Variants in CCDC148 observed in about 807,000 individuals in gnomAD.
CCDC148 encodes the protein coiled-coil domain containing 148.
CCDC148 carries 89 observed loss-of-function variants against 85.7 expected under a neutral mutation model. That is an observed-to-expected ratio of 1.04 (90% CI 0.87 to 1.24). CCDC148 has a LOEUF of 1.24. Ranked by LOEUF, CCDC148 falls within the 50% of genes most tolerant of loss-of-function variation. The pLI, the probability that CCDC148 is intolerant of heterozygous loss-of-function variation, is 0.00. For synonymous variants in CCDC148, 230 were observed against 213.9 expected, an observed-to-expected ratio of 1.08 and a Z score of -0.66; for missense variants, 692 against 671.7, an observed-to-expected ratio of 1.03 and a Z score of -0.33.
chr2:158,393,478 G>T (rs958401203), intron 1 of CCDC148, among the ~76,000 whole-genome samples: 1 of 152,092 alleles, frequency 6.6e-6, no homozygotes, highest in African/African-American at 2.4e-5. Context: ...ATAGGGAAAG[G>T]GAAGGCCTTA....
At position 158,358,526 on chromosome 2, in the gene CCDC148, A is replaced by G. The variant is rs755960081; in HGVS notation, c.70T>C (p.Tyr24His). Reference protein sequence around the residue: ...HMKNEMRNIKYKPVDYQQLRA... With the variant: ...HMKNEMRNIKHKPVDYQQLRA... ...AATTGTTGATAGTCTACTGGTTTGTACTTGATGTTTCTCATCTCATTTTTC... is the reference window on the plus strand; with the variant it reads ...AATTGTTGATAGTCTACTGGTTTGTGCTTGATGTTTCTCATCTCATTTTTC... The change falls in exon 2 of 14, where the codon TAC becomes CAC. Residue 24 changes from tyrosine (Y) to histidine (H), a missense_variant. Coordinates refer to ENST00000283233, the MANE Select transcript of CCDC148 (RefSeq NM_138803.4). 5.0e-6 allele frequency: 8 copies of G among 1,601,214 alleles called. No individual in the cohort carries two copies. Among genetic ancestry groups the G allele is most frequent in the Non-Finnish European group, 6.8e-6 (8 of 1,175,346 alleles).
intron 2 of CCDC148, among the ~76,000 whole-genome samples, chr2:158,357,942 A>T (rs766494379): frequency 6.6e-5 from 10 of 152,198 alleles, no homozygotes; most frequent in African/African-American, 2.4e-4. Context: ...CCTAAACTAC[A>T]CATGGTCCTA....
At chr2:158,192,492 A>G (rs1408834625) in intron 11 of CCDC148, among the ~76,000 whole-genome samples, 2 of 151,708 alleles carry the variant, frequency 1.3e-5, no homozygotes, top group Non-Finnish European at 2.9e-5. Context: ...ACAGATAGCT[A>G]ACTTTTATGA....
intron 1 of CCDC148, among the ~76,000 whole-genome samples, chr2:158,403,367 C>T (rs916957947): frequency 3.9e-5 from 6 of 152,000 alleles, no homozygotes; most frequent in Non-Finnish European, 7.4e-5. Context: ...TACACAGACA[C>T]ACACATATTC....
At chr2:158,267,271 T>C (rs1247644139) in intron 9 of CCDC148, among the ~76,000 whole-genome samples, 4 of 152,148 alleles carry the variant, frequency 2.6e-5, no homozygotes, top group Non-Finnish European at 5.9e-5. Flanking sequence ...TGGAATGCCC[T>C]GCCACACCTA....
chr2:158,281,488 A>C (rs2105175893), intron 9 of CCDC148, among the ~76,000 whole-genome samples: 1 of 152,286 alleles, frequency 6.6e-6, no homozygotes, highest in Admixed American at 6.5e-5. Flanking sequence ...ATCAGAGAGT[A>C]GTACAAACAC....
chr2:158,401,381 T>C (rs547159616), intron 1 of CCDC148, among the ~76,000 whole-genome samples: 1 of 152,148 alleles, frequency 6.6e-6, no homozygotes, highest in South Asian at 2.1e-4. Context: ...TAAAAAAGGA[T>C]GAGTTCATGT....
intron 9 of CCDC148, among the ~76,000 whole-genome samples, chr2:158,258,169 A>AT (rs1244418373): frequency 1.3e-5 from 2 of 151,850 alleles, no homozygotes; most frequent in African/African-American, 4.8e-5. Context: ...ATGTCAATGT[A>AT]TTAATGCTGT....
chr2:158,265,285 A>G (rs1261573981), intron 9 of CCDC148, among the ~76,000 whole-genome samples: 1 of 152,150 alleles, frequency 6.6e-6, no homozygotes, highest in East Asian at 1.9e-4. Context: ...AAAAGATGCT[A>G]TCTGTCATAA....
intron 1 of CCDC148, among the ~76,000 whole-genome samples, chr2:158,366,956 G>T (rs1311963249): frequency 6.6e-6 from 1 of 152,130 alleles, no homozygotes; most frequent in Admixed American, 6.6e-5. Context: ...AGATAGTTAA[G>T]GTCCATGACT....
At chr2:158,330,379 G>C (rs1258204955) in intron 7 of CCDC148, among the ~76,000 whole-genome samples, 1 of 152,180 alleles carries the variant, frequency 6.6e-6, no homozygotes, top group African/African-American at 2.4e-5. Flanking sequence ...TGGTGGATAA[G>C]CTTTTTGATG....
At chr2:158,409,016 G>C (rs1237583378) in intron 1 of CCDC148, among the ~76,000 whole-genome samples, 3 of 151,772 alleles carry the variant, frequency 2.0e-5, no homozygotes, top group Non-Finnish European at 4.4e-5. Context: ...TTTTTTCATA[G>C]GATTATTTGT....
At chr2:158,337,337 G>C (rs1173919996) in intron 7 of CCDC148, among the ~76,000 whole-genome samples, 1 of 152,072 alleles carries the variant, frequency 6.6e-6, no homozygotes, top group Non-Finnish European at 1.5e-5. Flanking sequence ...CACAGCTACA[G>C]TTTATCAGGC....
At chr2:158,280,834 G>C (rs1690249557) in intron 9 of CCDC148, among the ~76,000 whole-genome samples, 1 of 152,034 alleles carries the variant, frequency 6.6e-6, no homozygotes, top group South Asian at 2.1e-4. Flanking sequence ...ATTTTTTTCA[G>C]CACCACACCA....
chr2:158,324,120 G>A (rs953529746), intron 7 of CCDC148, among the ~76,000 whole-genome samples: 4 of 151,896 alleles, frequency 2.6e-5, no homozygotes, highest in African/African-American at 9.6e-5. Flanking sequence ...GTTTCACCAT[G>A]TTGGCCAGGC....
intron 11 of CCDC148, among the ~76,000 whole-genome samples, chr2:158,180,168 A>G (rs965540377): frequency 1.3e-5 from 2 of 152,094 alleles, no homozygotes; most frequent in Non-Finnish European, 2.9e-5. Flanking sequence ...CTTTACCCTT[A>G]GTGTGCACAC....
intron 10 of CCDC148, among the ~76,000 whole-genome samples, chr2:158,237,663 T>A (rs1688167522): frequency 6.6e-6 from 1 of 152,134 alleles, no homozygotes; most frequent in Admixed American, 6.6e-5. Flanking sequence ...TTTGAGGAGT[T>A]AACACATATG....
chr2:158,299,533 C>G (rs13022366), intron 9 of CCDC148, among the ~76,000 whole-genome samples: 64,186 of 152,024 alleles, frequency 0.42, 14,023 homozygotes, highest in South Asian at 0.61. Flanking sequence ...AAGAAGAAAT[C>G]CAGGGTGAAT....
chr2:158,326,261 C>T (rs1011833806), intron 7 of CCDC148, among the ~76,000 whole-genome samples: 6 of 152,074 alleles, frequency 3.9e-5, no homozygotes, highest in East Asian at 1.9e-4. Flanking sequence ...CTCCCAACCC[C>T]GTCTTAACTT....
Sources: allele counts gnomAD v4.1 joint callset (sites outside exome capture counted in the v4.1 genomes callset), GRCh38; gene constraint gnomAD v4.1.1; transcripts MANE v1.5; gene names NCBI Gene and HGNC (gene_info 2026-07-23, HGNC 2026-07-21).